Variants in ST6GAL1 observed in about 807,000 individuals in gnomAD.
ST6GAL1 encodes beta-galactoside alpha-2,6-sialyltransferase 1.
ST6GAL1 carries 20 observed loss-of-function variants against 38.0 expected under a neutral mutation model. That is an observed-to-expected ratio of 0.53 (90% CI 0.37 to 0.77). The LOEUF is 0.77. Ranked by LOEUF, ST6GAL1 falls within the 30% of genes least tolerant of loss-of-function variation. The pLI, the probability that ST6GAL1 is intolerant of heterozygous loss-of-function variation, is 0.00. For synonymous variants in ST6GAL1, 196 were observed against 188.2 expected (o/e 1.04, Z -0.34); for missense variants, 432 against 496.4 (o/e 0.87, Z 1.23).
intron 5 of ST6GAL1, among the ~76,000 whole-genome samples, chr3:187,056,198 G>A (rs956795546): frequency 6.6e-6 from 1 of 152,008 alleles, no homozygotes; most frequent in Non-Finnish European, 1.5e-5. Flanking sequence ...GCCTATGTGT[G>A]TCTCTGCATG....
At chr3:187,053,136 G>A (rs1718572803) in intron 5 of ST6GAL1, among the ~76,000 whole-genome samples, 1 of 152,140 alleles carries the variant, frequency 6.6e-6, no homozygotes, top group South Asian at 2.1e-4. Flanking sequence ...CCCACTTTTT[G>A]ATGGGGTTGT....
intron 3 of ST6GAL1, among the ~76,000 whole-genome samples, chr3:187,040,976 G>C (rs902082426): frequency 1.3e-5 from 2 of 152,196 alleles, no homozygotes; most frequent in African/African-American, 2.4e-5. Flanking sequence ...CCAGGGAAGA[G>C]CCTGGAGCTC....
chr3:186,936,760 G>T lies in ST6GAL1; in HGVS notation c.-325+5926G>T, dbSNP rs748319058. 2.0e-5 allele frequency among the ~76,000 whole-genome samples: 3 copies of T among 152,102 alleles called. 1 individual carries two copies. Among genetic ancestry groups the T allele is most frequent in the African/African-American group, 7.2e-5 (3 of 41,498 alleles). ...GTTCAAGACCAGCCTGGCCAACATC[G>T]TGAAACCCCATCTCTACTAAAAACA... On this transcript the variant is annotated intron_variant, in intron 1 of 7. Coordinates refer to ENST00000169298, the MANE Select transcript of ST6GAL1 (RefSeq NM_173216.2).
chr3:187,036,937 T>C (rs143515110), intron 2 of ST6GAL1, among the ~76,000 whole-genome samples: 8 of 152,372 alleles, frequency 5.3e-5, no homozygotes, highest in Admixed American at 2.6e-4. Flanking sequence ...TGTGTGCGTA[T>C]TGCTTTATAG....
intron 5 of ST6GAL1, among the ~76,000 whole-genome samples, chr3:187,063,942 G>A (rs1199035797): frequency 6.6e-6 from 1 of 152,090 alleles, no homozygotes; most frequent in Admixed American, 6.5e-5. Context: ...GTTACTATGT[G>A]TGGAGCATGT....
At chr3:187,017,410 A>G (rs1433029965) in intron 2 of ST6GAL1, among the ~76,000 whole-genome samples, 1 of 152,114 alleles carries the variant, frequency 6.6e-6, no homozygotes, top group African/African-American at 2.4e-5. Flanking sequence ...ATGCCCAGGT[A>G]AGATAGAGCA....
In ST6GAL1 at chr3:187,076,374, G is replaced by T; in HGVS notation, c.*571G>T. On this transcript the variant is annotated 3_prime_UTR_variant, in exon 8 of 8. Coordinates refer to ENST00000169298, the MANE Select transcript of ST6GAL1 (RefSeq NM_173216.2). Reference sequence around the variant, plus strand: ...GTGTTCCTATCACTCTGGCTGGTTGGGCTGGTCCTTAGACTGGGTGCTTAT... The same window carrying T: ...GTGTTCCTATCACTCTGGCTGGTTGTGCTGGTCCTTAGACTGGGTGCTTAT... 1 of 159,376 alleles carries T rather than the reference G, an allele frequency of 6.3e-6. No individual in the cohort carries two copies. The highest frequency in any genetic ancestry group is 1.4e-5 in the Non-Finnish European group (1 of 73,152). 9.9% of individuals were successfully genotyped at this position (159,376 alleles called of 1,614,324 possible). A position where few individuals can be genotyped will look rare whatever the true frequency, so the allele number is the denominator to read the frequency against.
chr3:186,992,521 C>T (rs1443744550), intron 2 of ST6GAL1, among the ~76,000 whole-genome samples: 4 of 152,104 alleles, frequency 2.6e-5, no homozygotes, highest in Admixed American at 6.5e-5. Flanking sequence ...TGGCCGGGCG[C>T]GGTGGCTCCC....
rs147588467 is a variant in ST6GAL1 at position 186,989,593 on chromosome 3, G to A, written c.-183+25667G>A. 2.8e-3 allele frequency among the ~76,000 whole-genome samples: 426 copies of A among 152,294 alleles called. 3 individuals carry two copies. Among genetic ancestry groups the A allele is most frequent in the South Asian group, 6.0e-3 (29 of 4,814 alleles). On this transcript the variant is annotated intron_variant, in intron 2 of 7. Transcript: ENST00000169298. ...GCATGAAGCCCTATGCACCATGTTC[G>A]AGGGAACCTGGATAACATTGTTGGC...
chr3:186,945,734 C>A (rs1714335796), intron 1 of ST6GAL1, among the ~76,000 whole-genome samples: 1 of 151,964 alleles, frequency 6.6e-6, no homozygotes, highest in African/African-American at 2.4e-5. Context: ...TGCCTGTAAT[C>A]TCAGCACTTT....
chr3:187,001,213 C>T (rs1579311835), intron 2 of ST6GAL1, among the ~76,000 whole-genome samples: 2 of 152,344 alleles, frequency 1.3e-5, no homozygotes, highest in East Asian at 3.9e-4. Context: ...TCTGAAATGT[C>T]CACAGCCCGA....
At chr3:186,974,680 CATTA>C (rs899411646) in intron 2 of ST6GAL1, among the ~76,000 whole-genome samples, 6 of 148,564 alleles carry the variant, frequency 4.0e-5, no homozygotes, top group South Asian at 2.2e-4. Context: ...AGGAAGATCT[CATTA>C]ATTAATTAAT....
Position 187,078,245 on chromosome 3 carries a change from A to G in ST6GAL1, c.*2442A>G, listed in dbSNP as rs955235338. 1 of 151,032 alleles carries G rather than the reference A, an allele frequency of 6.6e-6. No individual in the cohort carries two copies. The highest frequency in any genetic ancestry group is 2.5e-5 in the African/African-American group (1 of 39,958). 9.4% of individuals were successfully genotyped at this position (151,032 alleles called of 1,614,324 possible). ...CAGAACTTTTAGTTCTGTGCTGTCT[A>G]TGTGGACACTTTGGTAAAATGCAAA... is the stretch of plus-strand genomic sequence containing the variant. On this transcript the variant is annotated 3_prime_UTR_variant, in exon 8 of 8. Coordinates refer to ENST00000169298, the MANE Select transcript of ST6GAL1 (RefSeq NM_173216.2).
intron 3 of ST6GAL1, among the ~76,000 whole-genome samples, chr3:187,039,535 A>G (rs559654727): frequency 1.3e-5 from 2 of 152,306 alleles, no homozygotes; most frequent in African/African-American, 4.8e-5. Flanking sequence ...CAGAAGCAGA[A>G]AGGTGATGCT....
chr3:187,001,951 G>C (rs1186588120), intron 2 of ST6GAL1, among the ~76,000 whole-genome samples: 1 of 96,200 alleles, frequency 1.0e-5, no homozygotes, highest in Non-Finnish European at 2.2e-5. Context: ...GTGAGACTTT[G>C]TCTCAAAAAA....
chr3:186,995,114 T>G (rs1716320075), intron 2 of ST6GAL1, among the ~76,000 whole-genome samples: 1 of 152,168 alleles, frequency 6.6e-6, no homozygotes, highest in Non-Finnish European at 1.5e-5. Flanking sequence ...TGTTTGAGTG[T>G]ATGTATATAG....
At chr3:187,018,142 G>T (rs543037750) in intron 2 of ST6GAL1, among the ~76,000 whole-genome samples, 42 of 152,186 alleles carry the variant, frequency 2.8e-4, no homozygotes, top group South Asian at 1.5e-3. Context: ...AGGCAGGCTG[G>T]TATCTGTTTG....
In ST6GAL1 at chr3:187,043,216, G is replaced by T. The variant is rs1398454149; in HGVS notation, c.513G>T (p.Lys171Asn). Residue 171 changes from lysine to asparagine, a missense_variant, in exon 4 of 8, where the codon AAG becomes AAT. Lys to Asn is a moderately conservative substitution (Grantham distance 94, BLOSUM62 0). Coordinates refer to ENST00000169298, the MANE Select transcript of ST6GAL1 (RefSeq NM_173216.2). ...NTSEWEGYLP[K>N]ESIRTKAGPW... ...CTGAATGGGAGGGTTATCTGCCCAA[G>T]GAGAGCATTAGGACCAAGGCTGGGC... 5.0e-6 allele frequency: 8 copies of T among 1,614,204 alleles called. No individual in the cohort carries two copies. The highest frequency in any genetic ancestry group is 5.9e-6 in the Non-Finnish European group (7 of 1,180,032).
rs906329429 is a variant in ST6GAL1 at position 187,076,648 on chromosome 3, G to A, written c.*845G>A. On this transcript the variant is annotated 3_prime_UTR_variant, in exon 8 of 8. Coordinates refer to ENST00000169298, the MANE Select transcript of ST6GAL1 (RefSeq NM_173216.2). The stretch of plus-strand genomic sequence containing the variant: ...ATCAGAGAAGGCTTTATAGCACAGG[G>A]GGCATTCAGATGAGTCTTAGAGGAA... 3.0e-5 allele frequency: 12 copies of A among 395,246 alleles called. No individual in the cohort carries two copies. The highest frequency in any genetic ancestry group is 5.3e-5 in the Non-Finnish European group (12 of 224,690). The allele number at this position is 395,246 out of a possible 1,614,324, so 24.5% of individuals were successfully genotyped here.
Sources: gnomAD v4.1 joint callset for allele counts (sites outside exome capture counted in the v4.1 genomes callset) on GRCh38, gnomAD v4.1.1 for gene constraint, MANE v1.5 for transcripts, NCBI Gene and HGNC (gene_info 2026-07-23, HGNC 2026-07-21) for gene names.